The following AFDN variants were observed in gnomAD, a reference collection of about 807,000 sequenced individuals.
AFDN encodes afadin, adherens junction formation factor, also known as afadin.
In AFDN, 68 loss-of-function variants were observed where a neutral mutation model predicts 216.6. That is an observed-to-expected ratio of 0.31 (90% confidence interval 0.26 to 0.38). AFDN has a LOEUF of 0.38. Among genes scored for constraint, AFDN ranks in the 10% least tolerant of loss-of-function variants. The pLI is 1.00. For missense variants in AFDN, 2,136 were observed against 2,342.0 expected, an observed-to-expected ratio of 0.91 and a Z score of 1.82; for synonymous variants, 868 against 853.7, an observed-to-expected ratio of 1.02 and a Z score of -0.29.
At chr6:167,956,010 G>A (rs1796465513) in intron 30 of AFDN, among the ~76,000 whole-genome samples, 1 of 150,300 alleles carries the variant, frequency 6.7e-6, no homozygotes. Context: ...AGCTACTCAG[G>A]AGGCTGAGGC....
intron 30 of AFDN, chr6:167,954,621 GTCCCT>G: frequency 1.6e-6 from 1 of 623,062 alleles, no homozygotes; most frequent in Non-Finnish European, 2.6e-6. Flanking sequence ...AGGAGATGGA[GTCCCT>G]GACACTTTAG....
chr6:167,949,788 C>T (rs1227493705), intron 29 of AFDN, among the ~76,000 whole-genome samples: 3 of 152,122 alleles, frequency 2.0e-5, no homozygotes, highest in Non-Finnish European at 1.5e-5. Flanking sequence ...ACAGTATTTC[C>T]TGTTGTGTGG....
intron 1 of AFDN, among the ~76,000 whole-genome samples, chr6:167,839,981 G>A (rs1284856484): frequency 6.6e-6 from 1 of 152,108 alleles, no homozygotes; most frequent in Non-Finnish European, 1.5e-5. Context: ...GTGGTGCCGC[G>A]CTGAGCAAGA....
intron 1 of AFDN, among the ~76,000 whole-genome samples, chr6:167,846,713 G>GTTTT (rs150717891): frequency 9.5e-6 from 1 of 105,152 alleles, no homozygotes; most frequent in Non-Finnish European, 2.1e-5. Context: ...AAACCAAGTT[G>GTTTT]TTTTTTTTTT....
chr6:167,862,178 G>A (rs954766209), intron 1 of AFDN, among the ~76,000 whole-genome samples: 1 of 152,102 alleles, frequency 6.6e-6, no homozygotes, highest in Non-Finnish European at 1.5e-5. Flanking sequence ...AGCGGCAGAT[G>A]CTTGAATGAT....
intron 1 of AFDN, among the ~76,000 whole-genome samples, chr6:167,838,314 A>ATGCCATCT (rs1341064732): frequency 1.1e-4 from 6 of 56,160 alleles, no homozygotes; most frequent in East Asian, 4.6e-4. Context: ...GTGCCTGCTC[A>ATGCCATCT]TGCCATCTCG....
intron 2 of AFDN, 115 bp from the exon 3 acceptor site, chr6:167,870,271 G>A (rs1163627970): frequency 1.2e-4 from 73 of 619,332 alleles, no homozygotes; most frequent in South Asian, 2.8e-4. Context: ...ATACATTTCA[G>A]TCTGCAAGTA....
upstream of AFDN, chr6:167,826,746 C>T: frequency 2.7e-6 from 1 of 371,900 alleles, no homozygotes. Context: ...GCGGGGCCCG[C>T]CCTCCGACAC....
Position 167,914,523 on chromosome 6 carries a change from C to G in AFDN, c.2205-121C>G, listed in dbSNP as rs1054132654. 4.4e-6 allele frequency: 4 copies of G among 911,572 alleles called. No individual in the cohort carries two copies. In the African/African-American group the frequency reaches 5.2e-5, roughly 12 times the overall value. 56.5% of individuals were successfully genotyped at this position (911,572 alleles called of 1,614,324 possible). A position where few individuals can be genotyped will look rare whatever the true frequency, so the allele number is the denominator to read the frequency against. ...ATTCAGTGAGCTATGTTTCAAGATT[C>G]CACATTTTTTTTTTAATGGAAAATA... On this transcript the variant is annotated intron_variant, in intron 17 of 33. Coordinates refer to ENST00000683244, the MANE Select transcript of AFDN (RefSeq NM_001386888.1).
intron 23 of AFDN, among the ~76,000 whole-genome samples, chr6:167,931,340 C>G (rs1379400117): frequency 1.3e-5 from 2 of 151,900 alleles, no homozygotes; most frequent in African/African-American, 4.8e-5. Context: ...TTGAACATGT[C>G]ACACTGGAGA....
intron 32 of AFDN, among the ~76,000 whole-genome samples, chr6:167,968,054 C>T (rs1446642568): frequency 6.6e-6 from 1 of 152,098 alleles, no homozygotes; most frequent in Non-Finnish European, 1.5e-5. Flanking sequence ...GTATTTGATA[C>T]TCTTAAGTCT....
intron 1 of AFDN, among the ~76,000 whole-genome samples, chr6:167,844,849 C>CTTTTTTTTTTTTTTTT (rs67495555): frequency 7.8e-6 from 1 of 127,716 alleles, no homozygotes; most frequent in African/African-American, 2.9e-5. Flanking sequence ...CTTTTCTTTT[C>CTTTTTTTTTTTTTTTT]TTTTTTTTTT....
chr6:167,857,981 T>G (rs1056562990), intron 1 of AFDN, among the ~76,000 whole-genome samples: 18 of 152,198 alleles, frequency 1.2e-4, no homozygotes, highest in African/African-American at 4.1e-4. Flanking sequence ...ATCACAGATG[T>G]GATAATTGCT....
At chr6:167,909,077 T>G (rs982266756) in intron 13 of AFDN, among the ~76,000 whole-genome samples, 1 of 152,152 alleles carries the variant, frequency 6.6e-6, no homozygotes, top group Non-Finnish European at 1.5e-5. Context: ...CAGGTTCACT[T>G]TATGAGATAT....
chr6:167,951,937 A>G lies in AFDN; in HGVS notation c.4583A>G (p.Lys1528Arg), dbSNP rs1410434984. The G allele has an allele frequency of 6.2e-7, 1 of 1,614,150 alleles. No individual in the cohort carries two copies. The highest frequency in any genetic ancestry group is 1.7e-5 in the Admixed American group (1 of 60,018). ...LSPDPWKRDAKEKLEKQQQMH... is the reference protein window; with the variant it reads ...LSPDPWKRDAREKLEKQQQMH... ...CCCGACCCGTGGAAGCGGGACGCCA[A>G]GGAGAAGCTGGAGAAGCAGCAGCAG... Residue 1528 changes from lysine to arginine, a missense_variant, in exon 30 of 34, where the codon AAG (lysine) becomes AGG (arginine). Lys to Arg is a conservative substitution (Grantham distance 26). Around this residue, in one of 8 missense-constraint regions of AFDN, gnomAD observed 981 missense variants for 966.0 expected, o/e 1.02. Coordinates refer to ENST00000683244, the MANE Select transcript of AFDN (RefSeq NM_001386888.1). The surrounding 1 kb of genome is among the most constrained non-coding windows in gnomAD (Gnocchi z 7.1).
At chr6:167,916,920 T>C (rs1791153720) in intron 19 of AFDN, among the ~76,000 whole-genome samples, 169 bp from the exon 20 acceptor site, 1 of 152,202 alleles carries the variant, frequency 6.6e-6, no homozygotes, top group Non-Finnish European at 1.5e-5. Context: ...ATGCTTTTAG[T>C]TCTATTTAAT....
chr6:167,898,686 A>G (rs912474962), intron 11 of AFDN, among the ~76,000 whole-genome samples: 3 of 152,234 alleles, frequency 2.0e-5, no homozygotes, highest in Non-Finnish European at 2.9e-5. Context: ...ACTGGTTTTA[A>G]ATTGTTTATA....
chr6:167,967,627 T>G (rs1307387422), intron 32 of AFDN, among the ~76,000 whole-genome samples: 1 of 152,084 alleles, frequency 6.6e-6, no homozygotes, highest in Non-Finnish European at 1.5e-5. Context: ...TATAATGAGG[T>G]GTCACTACTC....
At chr6:167,911,966 C>G in intron 15 of AFDN, 1 of 172,002 alleles carries the variant, frequency 5.8e-6, no homozygotes, top group Non-Finnish European at 1.3e-5. Context: ...CCTGGTAACG[C>G]CTTCTTAGAC....
Sources: gnomAD v4.1 joint callset for allele counts (sites outside exome capture counted in the v4.1 genomes callset) on GRCh38, gnomAD v4.1.1 for gene constraint, gnomAD v4.1.1 regional missense constraint, Gnocchi (gnomAD v3.1) non-coding constraint, MANE v1.5 for transcripts, NCBI Gene and HGNC (gene_info 2026-07-23, HGNC 2026-07-21) for gene names.